AFF2: variants seen among roughly 807,000 people sequenced by gnomAD.
AFF2 encodes the protein AF4/FMR2 family member 2.
In AFF2, 14 loss-of-function variants were observed where a neutral mutation model predicts 76.9. The observed-to-expected ratio is 0.18, with a 90% CI of 0.12 to 0.28. The LOEUF is 0.28. AFF2 is among the 10% of genes least tolerant of loss of function. AFF2 has a pLI of 1.00. For missense variants in AFF2, 868 were observed against 1,001.1 expected, an observed-to-expected ratio of 0.87 and a Z score of 1.79; for synonymous variants, 398 against 366.7, an observed-to-expected ratio of 1.09 and a Z score of -0.98.
intron 9 of AFF2, among the ~76,000 whole-genome samples, chrX:148,909,140 G>A (rs1182029115): frequency 7.1e-5 from 8 of 111,907 alleles, no homozygotes; most frequent in East Asian, 2.8e-4. Context: ...ACTTTCTAGG[G>A]TTGATGTGCC....
chrX:148,639,460 C>T (rs1466502889), intron 1 of AFF2, among the ~76,000 whole-genome samples: 3 of 111,803 alleles, frequency 2.7e-5, no homozygotes, highest in Non-Finnish European at 5.6e-5. Flanking sequence ...AAAGAAAGAA[C>T]ATTTGTATTA....
chrX:148,985,284 C>CA (rs2072453055), intron 19 of AFF2, among the ~76,000 whole-genome samples: 1 of 19,018 alleles, frequency 5.3e-5, no homozygotes, highest in African/African-American at 1.2e-4. Flanking sequence ...CTGTGCCTGG[C>CA]CTTTTTTTTT....
chrX:148,666,734 A>G (rs1225693116), intron 3 of AFF2, among the ~76,000 whole-genome samples: 1 of 112,060 alleles, frequency 8.9e-6, no homozygotes, highest in Non-Finnish European at 1.9e-5. Flanking sequence ...TCGGAACTGC[A>G]TCTGAAAACA....
intron 20 of AFF2, 89 bp downstream of exon 20, chrX:148,987,646 A>G: frequency 1.2e-6 from 1 of 822,006 alleles, no homozygotes; most frequent in Non-Finnish European, 1.7e-6. Context: ...TGGTGGCCTT[A>G]TATCTTTCTG....
intron 1 of AFF2, among the ~76,000 whole-genome samples, chrX:148,535,336 G>A (rs781863633): frequency 2.1e-4 from 23 of 111,125 alleles, no homozygotes; most frequent in Non-Finnish European, 3.4e-4. Flanking sequence ...TATTAGTATG[G>A]CCCAAATATT....
chrX:148,825,991 A>G (rs1302550831), intron 4 of AFF2, among the ~76,000 whole-genome samples: 2 of 109,657 alleles, frequency 1.8e-5, no homozygotes, highest in African/African-American at 3.3e-5. Context: ...TCCTTGAGCT[A>G]TTTATTTACT....
intron 8 of AFF2, 30 bp downstream of exon 8, chrX:148,886,015 A>G (rs1424898739): frequency 9.1e-7 from 1 of 1,094,298 alleles, no homozygotes; most frequent in Non-Finnish European, 1.3e-6. Flanking sequence ...TTGTTTTGGG[A>G]TGAAGGGGGG....
intron 16 of AFF2, among the ~76,000 whole-genome samples, chrX:148,977,443 T>C (rs1471426335): frequency 9.0e-6 from 1 of 110,859 alleles, no homozygotes; most frequent in African/African-American, 3.3e-5. Flanking sequence ...GAAAAGACCT[T>C]TTAGCTGTGT....
chrX:148,852,804 G>T (rs1166803925), intron 7 of AFF2, among the ~76,000 whole-genome samples: 1 of 112,019 alleles, frequency 8.9e-6, no homozygotes, highest in Non-Finnish European at 1.9e-5. Flanking sequence ...AGGGCTCAGA[G>T]AGAATGCCAA....
At chrX:148,908,767 T>C (rs2071437733) in intron 9 of AFF2, among the ~76,000 whole-genome samples, 1 of 111,976 alleles carries the variant, frequency 8.9e-6, no homozygotes, top group South Asian at 3.7e-4. Flanking sequence ...TGGCAAATGG[T>C]TGAAAAAAAT....
intron 3 of AFF2, among the ~76,000 whole-genome samples, chrX:148,786,675 G>A (rs1390263872): frequency 8.9e-6 from 1 of 111,970 alleles, no homozygotes; most frequent in Non-Finnish European, 1.9e-5. Context: ...CTCAGTAAAG[G>A]CCCTATAACT....
intron 3 of AFF2, among the ~76,000 whole-genome samples, chrX:148,749,545 A>G (rs782620194): frequency 1.3e-4 from 15 of 111,818 alleles, no homozygotes; most frequent in African/African-American, 4.6e-4. Context: ...CTATATATTG[A>G]GTGCCTCATT....
chrX:148,625,168 A>C (rs1434880211), intron 1 of AFF2, among the ~76,000 whole-genome samples: 1 of 110,740 alleles, frequency 9.0e-6, no homozygotes, highest in Non-Finnish European at 1.9e-5. Flanking sequence ...TAGCTACTCC[A>C]AAGAAGGGAT....
Position 148,617,571 on chromosome X carries a change from G to T in AFF2, c.48-34428G>T, listed in dbSNP as rs943266496. 4.5e-5 allele frequency among the ~76,000 whole-genome samples: 5 copies of T among 112,006 alleles called. No individual in the cohort carries two copies. The South Asian group carries it at 1.1e-3, about 24-fold the overall frequency. ...TTCTTTTGCTGTGCAGAATTTAGTT[G>T]AATTAGATCCCATTTGTCAATTTTG... On this transcript the variant is annotated intron_variant, in intron 1 of 20. Coordinates refer to ENST00000370460, the MANE Select transcript of AFF2 (RefSeq NM_002025.4).
chrX:148,701,012 A>AATGTGTGTG (rs782232655), intron 3 of AFF2, among the ~76,000 whole-genome samples: 39 of 73,734 alleles, frequency 5.3e-4, no homozygotes, highest in African/African-American at 1.9e-3. Flanking sequence ...GAGAGAGAGA[A>AATGTGTGTG]TGTGTGTGTG....
chrX:148,726,627 C>G (rs1020390634), intron 3 of AFF2, among the ~76,000 whole-genome samples: 1 of 111,874 alleles, frequency 8.9e-6, no homozygotes, highest in Admixed American at 9.4e-5. Context: ...CAGTATTGAT[C>G]TCAGTCGTGT....
intron 4 of AFF2, among the ~76,000 whole-genome samples, chrX:148,831,638 G>A (rs1291580311): frequency 8.9e-6 from 1 of 112,003 alleles, no homozygotes; most frequent in African/African-American, 3.2e-5. Flanking sequence ...GGGAGGAGCA[G>A]AGCATCCTAC....
At chrX:148,941,159 T>A (rs2071829717) in intron 9 of AFF2, among the ~76,000 whole-genome samples, 1 of 111,509 alleles carries the variant, frequency 9.0e-6, no homozygotes, top group Non-Finnish European at 1.9e-5. Flanking sequence ...ATGGTCTTTG[T>A]GATTTATAGT....
chrX:148,699,572 A>G (rs1449404526), intron 3 of AFF2, among the ~76,000 whole-genome samples: 2 of 111,759 alleles, frequency 1.8e-5, no homozygotes, highest in African/African-American at 6.5e-5. Context: ...GAAGGTCTAT[A>G]TGGTAGGGAA....
Sources: allele counts gnomAD v4.1 joint callset (sites outside exome capture counted in the v4.1 genomes callset), GRCh38; gene constraint gnomAD v4.1.1; transcripts MANE v1.5; gene names NCBI Gene and HGNC (gene_info 2026-07-23, HGNC 2026-07-21).